Variants in ACYP1 observed in about 807,000 individuals in gnomAD.
ACYP1 encodes the protein acylphosphatase 1.
ACYP1 carries 8 observed loss-of-function variants against 10.4 expected under a neutral mutation model. The ratio of observed to expected loss-of-function variants is 0.77; its 90% CI spans 0.45 to 1.38. The LOEUF (loss-of-function observed/expected upper bound fraction) is 1.38, where lower values mean the gene tolerates loss of function less well. Among genes scored for constraint, ACYP1 ranks in the 40% most tolerant of loss-of-function variants. ACYP1 has a pLI of 0.00. For missense variants in ACYP1, 93 were observed against 117.3 expected (o/e 0.79, Z 0.96); for synonymous variants, 38 against 40.8 (o/e 0.93, Z 0.26).
At chr14:75,060,306 C>G (rs1438591515) in intron 2 of ACYP1, 2 of 652,948 alleles carry the variant, frequency 3.1e-6, no homozygotes, top group Non-Finnish European at 5.5e-6. Flanking sequence ...ACCTCATACC[C>G]ACTAGGATGG....
intron 2 of ACYP1, among the ~76,000 whole-genome samples, chr14:75,062,532 C>T (rs959749948): frequency 6.6e-6 from 1 of 151,262 alleles, no homozygotes; most frequent in African/African-American, 2.4e-5. Context: ...TTCTGCAGTC[C>T]TGGCCGGGTG....
At chr14:75,067,295 C>A (rs1038362724), upstream of ACYP1, among the ~76,000 whole-genome samples, 16 of 151,220 alleles carry the variant, frequency 1.1e-4, no homozygotes, top group Non-Finnish European at 2.1e-4. Flanking sequence ...AAGATAAATG[C>A]CAGACTTGGA....
At chr14:75,063,834 G>T in intron 1 of ACYP1, 120 bp downstream of exon 1, 1 of 770,116 alleles carries the variant, frequency 1.3e-6, no homozygotes, top group East Asian at 5.4e-5. Flanking sequence ...TTACATCCAT[G>T]CCCGGTCCCG....
intron 2 of ACYP1, among the ~76,000 whole-genome samples, chr14:75,057,322 AC>A (rs1248312106): frequency 6.6e-6 from 1 of 151,638 alleles, no homozygotes; most frequent in African/African-American, 2.4e-5. Flanking sequence ...ATGGAAATCT[AC>A]AAAACATTCT....
chr14:75,056,234 T>C (rs1350540071), intron 2 of ACYP1, among the ~76,000 whole-genome samples: 1 of 150,140 alleles, frequency 6.7e-6, no homozygotes, highest in Non-Finnish European at 1.5e-5. Context: ...TTCCAAAAAA[T>C]AGAAGAAGAT....
chr14:75,062,114 A>AAAAAAAAAAAAAAAAAAAAAAAAAAAG (rs1893034821), intron 2 of ACYP1, among the ~76,000 whole-genome samples: 1 of 149,410 alleles, frequency 6.7e-6, no homozygotes, highest in African/African-American at 2.5e-5. Flanking sequence ...AAAAAAAAAA[A>AAAAAAAAAAAAAAAAAAAAAAAAAAAG]AAAAAAAAAA....
upstream of ACYP1, chr14:75,064,128 GC>G: frequency 1.3e-6 from 1 of 755,436 alleles, no homozygotes; most frequent in Non-Finnish European, 1.6e-6. Context: ...GCCCGGGCCC[GC>G]CCAGAAGGTG....
upstream of ACYP1, among the ~76,000 whole-genome samples, chr14:75,066,980 G>C (rs964895696): frequency 4.6e-5 from 7 of 152,196 alleles, no homozygotes; most frequent in South Asian, 2.1e-4. Flanking sequence ...TTGAGAATGG[G>C]AGAGGATCAG....
At chr14:75,054,053 A>G (rs1892815035) in intron 2 of ACYP1, among the ~76,000 whole-genome samples, 1 of 152,256 alleles carries the variant, frequency 6.6e-6, no homozygotes, top group South Asian at 2.1e-4. Context: ...TTAAATGGAA[A>G]AAACATGAAG....
chr14:75,063,363 C>T (rs72734300), intron 2 of ACYP1, 107 bp downstream of exon 2: 34,806 of 850,640 alleles, frequency 0.041, 879 homozygotes, highest in South Asian at 0.049. Context: ...CTTTGCCATG[C>T]AGCTACCAAA....
At chr14:75,053,780 G>C in intron 2 of ACYP1, 121 bp from the exon 3 acceptor site, 1 of 847,830 alleles carries the variant, frequency 1.2e-6, no homozygotes, top group Non-Finnish European at 1.8e-6. Flanking sequence ...ATATTGCCCA[G>C]AACAGTCAAA....
chr14:75,061,449 A>G (rs1217730258), intron 2 of ACYP1, among the ~76,000 whole-genome samples: 4 of 152,388 alleles, frequency 2.6e-5, no homozygotes, highest in Admixed American at 6.5e-5. Context: ...TTAAATGATT[A>G]TAAATAGTAA....
At chr14:75,058,349 C>T (rs957959334) in intron 2 of ACYP1, among the ~76,000 whole-genome samples, 1 of 149,940 alleles carries the variant, frequency 6.7e-6, no homozygotes, top group Non-Finnish European at 1.5e-5. Context: ...CTTGGGAGGG[C>T]GAGGCAGGAG....
At chr14:75,061,460 A>G (rs1386866708) in intron 2 of ACYP1, among the ~76,000 whole-genome samples, 1 of 152,246 alleles carries the variant, frequency 6.6e-6, no homozygotes, top group Non-Finnish European at 1.5e-5. Flanking sequence ...TAAATAGTAA[A>G]GAATAAGCTA....
rs376319318 is a variant in ACYP1, at chr14:75,053,566, G to A, written c.178C>T (p.Arg60Cys). Residue 60 changes from arginine (R) to cysteine (C), a missense_variant, in exon 3 of 3, where the codon CGT becomes TGT. Transcript: ENST00000238618. ...GQLQGPISKV[R>C]HMQEWLETRG... ...GTTTCAAGCCATTCCTGCATATGAC[G>A]CACCTTGGAGATGGGACCTTGCAAT... 23 of 1,613,960 alleles carry A rather than the reference G, an allele frequency of 1.4e-5. No individual in the cohort carries two copies. Among genetic ancestry groups the A allele is most frequent in the Admixed American group, 1.2e-4 (7 of 59,988 alleles).
At chr14:75,068,308 AC>A (rs1237078462), upstream of ACYP1, among the ~76,000 whole-genome samples, 1 of 152,202 alleles carries the variant, frequency 6.6e-6, no homozygotes, top group African/African-American at 2.4e-5. Context: ...AAAACAAAAA[AC>A]AAACAACTTT....
intron 2 of ACYP1, chr14:75,062,942 T>C (rs1893064777): frequency 6.5e-6 from 1 of 154,318 alleles, no homozygotes; most frequent in South Asian, 2.0e-4. Flanking sequence ...TAAAGAGTTT[T>C]TAATAAGAAA....
At chr14:75,056,988 C>A (rs1397661338) in intron 2 of ACYP1, among the ~76,000 whole-genome samples, 1 of 151,606 alleles carries the variant, frequency 6.6e-6, no homozygotes, top group East Asian at 1.9e-4. Flanking sequence ...TACCACTCTA[C>A]TCAATATTAT....
chr14:75,067,182 TACACACACACACACACACACACACAC>T (rs60274425), upstream of ACYP1, among the ~76,000 whole-genome samples: 1 of 147,252 alleles, frequency 6.8e-6, no homozygotes, highest in African/African-American at 2.5e-5. Flanking sequence ...TGTCTGGAAC[TACACACACACACACACACACACACAC>T]ACACACACAC....
Sources: allele counts gnomAD v4.1 joint callset (sites outside exome capture counted in the v4.1 genomes callset), GRCh38; gene constraint gnomAD v4.1.1; transcripts MANE v1.5; gene names NCBI Gene and HGNC (gene_info 2026-07-23, HGNC 2026-07-21).